Variants in KATNAL2 observed in about 807,000 individuals in gnomAD.
KATNAL2 encodes katanin catalytic subunit A1 like 2, also known as katanin p60 ATPase-containing subunit A-like 2.
KATNAL2 carries 52 observed loss-of-function variants against 76.3 expected under a neutral mutation model. The ratio of observed to expected loss-of-function variants is 0.68; its 90% confidence interval spans 0.55 to 0.86. The LOEUF is 0.86. KATNAL2 is among the 40% of genes least tolerant of loss of function. The pLI, the probability that KATNAL2 is intolerant of heterozygous loss-of-function variation, is 0.00. For synonymous variants in KATNAL2, 243 were observed against 244.2 expected, an observed-to-expected ratio of 1.00 and a Z score of 0.05; for missense variants, 660 against 668.9, an observed-to-expected ratio of 0.99 and a Z score of 0.15.
intron 1 of KATNAL2, among the ~76,000 whole-genome samples, chr18:46,939,555 A>C (rs954540719): frequency 6.6e-6 from 1 of 152,126 alleles, no homozygotes; most frequent in African/African-American, 2.4e-5. Context: ...TTTGGGGTGC[A>C]TGTCAACTTT....
intron 3 of KATNAL2, among the ~76,000 whole-genome samples, chr18:46,960,772 T>A (rs1420492274): frequency 2.0e-5 from 3 of 152,156 alleles, no homozygotes; most frequent in Non-Finnish European, 4.4e-5. Context: ...ACTTTAGATA[T>A]CCCTTACCTA....
chr18:47,092,297 G>A (rs1286722129), intron 15 of KATNAL2, among the ~76,000 whole-genome samples: 1 of 152,138 alleles, frequency 6.6e-6, no homozygotes, highest in Non-Finnish European at 1.5e-5. Context: ...TCAGGAGTTT[G>A]AGACCAGCCT....
At chr18:47,044,206 A>T (rs983504945) in intron 3 of KATNAL2, among the ~76,000 whole-genome samples, 41 of 152,250 alleles carry the variant, frequency 2.7e-4, no homozygotes, top group Admixed American at 2.5e-3. Flanking sequence ...CTGATGAGAA[A>T]AAAAAAGCAA....
At chr18:47,083,376 C>A (rs561864376) in intron 15 of KATNAL2, among the ~76,000 whole-genome samples, 3 of 152,256 alleles carry the variant, frequency 2.0e-5, no homozygotes, top group African/African-American at 7.2e-5. Context: ...ATCTAAAGAC[C>A]CAGTCTTAAA....
Position 47,034,673 on chromosome 18 carries a change from T to C in KATNAL2, c.52-11784T>C, listed in dbSNP as rs578040595. The C allele has an allele frequency of 6.8e-5, 109 of 1,613,490 alleles. No homozygotes were observed. Among genetic ancestry groups the C allele is most frequent in the East Asian group, 2.2e-4 (10 of 44,852 alleles). Reference sequence around the variant, plus strand: ...AGAGGCCCGCCCTGAGCCGCGTGAGTGTGGCCTCTTCCGGGTTGCTTCCCG... The same window carrying C: ...AGAGGCCCGCCCTGAGCCGCGTGAGCGTGGCCTCTTCCGGGTTGCTTCCCG... On this transcript the variant is annotated intron_variant, in intron 3 of 17. Transcript: ENST00000683218.
chr18:47,034,748 T>A, intron 3 of KATNAL2: 1 of 1,612,674 alleles, frequency 6.2e-7, no homozygotes, highest in East Asian at 2.2e-5. Flanking sequence ...GCTGTGCGCG[T>A]TGGAGAGGCC....
chr18:47,031,607 A>T (rs922271781), intron 3 of KATNAL2, among the ~76,000 whole-genome samples: 2 of 152,150 alleles, frequency 1.3e-5, no homozygotes, highest in Non-Finnish European at 2.9e-5. Flanking sequence ...TCTCCAGGAG[A>T]ATCGTAGTGT....
intron 1 of KATNAL2, among the ~76,000 whole-genome samples, chr18:46,927,505 T>G (rs530811262): frequency 0.076 from 11,588 of 152,064 alleles, 474 homozygotes; most frequent in African/African-American, 0.098. Context: ...TTTCTCTCTG[T>G]CTGCCCTTAA....
chr18:46,920,005 C>T, intron 1 of KATNAL2: 1 of 1,220,642 alleles, frequency 8.2e-7, no homozygotes, highest in Non-Finnish European at 1.1e-6. Context: ...TAAAGAGGAC[C>T]AACATAAACA....
chr18:47,032,839 G>A (rs2060539016), intron 3 of KATNAL2: 4 of 1,392,024 alleles, frequency 2.9e-6, no homozygotes, highest in South Asian at 2.8e-5. Flanking sequence ...GGGTGTGGGA[G>A]GCAAAATCAC....
In KATNAL2 at chr18:47,059,598, C is replaced by T; in HGVS notation, c.493C>T (p.Leu165=). ...TCGCCTGGAAAGTGCCAACTTCGGC[C>T]TACATATATCAAGAATCCGTAAAGA... ...NTRLESANFG[L]HISRIRKDSG... is the part of the protein sequence containing the mutation. Residue 165 remains leucine (L), a synonymous_variant, in exon 8 of 18, where the codon CTA becomes TTA. Coordinates refer to ENST00000683218, the MANE Select transcript of KATNAL2 (RefSeq NM_001387690.1). 1 of 1,613,780 alleles carries T rather than the reference C, an allele frequency of 6.2e-7. No homozygotes were observed.
At position 46,946,344 on chromosome 18, in the gene KATNAL2, C is replaced by G. The variant is rs1216594538; in HGVS notation, c.-222C>G. 2 of 1,030,456 alleles carry G rather than the reference C, an allele frequency of 1.9e-6. No individual in the cohort carries two copies. Among genetic ancestry groups the G allele is most frequent in the South Asian group, 3.5e-5 (1 of 28,302 alleles). 63.8% of individuals were successfully genotyped at this position (1,030,456 alleles called of 1,614,324 possible). A position where few individuals can be genotyped will look rare whatever the true frequency, so the allele number is the denominator to read the frequency against. On this transcript the variant is annotated 5_prime_UTR_variant, in exon 2 of 18. Coordinates refer to ENST00000683218, the MANE Select transcript of KATNAL2 (RefSeq NM_001387690.1). ...TGCACAGTTTGCATCCCAGAAGGCT[C>G]TTGACAACCAAAGTGTCCACAGCAG...
At chr18:47,033,414 C>A in intron 3 of KATNAL2, 1 of 1,613,492 alleles carries the variant, frequency 6.2e-7, no homozygotes, top group Non-Finnish European at 8.5e-7. Context: ...CTCTCAGCCG[C>A]TGCTCTGGGG....
chr18:46,941,772 A>G (rs1457647319), intron 1 of KATNAL2, among the ~76,000 whole-genome samples: 1 of 152,192 alleles, frequency 6.6e-6, no homozygotes, highest in Non-Finnish European at 1.5e-5. Flanking sequence ...TTGTTTTCCA[A>G]CTGTTACACA....
chr18:47,073,352 T>C (rs2147223125), intron 13 of KATNAL2, among the ~76,000 whole-genome samples: 1 of 152,362 alleles, frequency 6.6e-6, no homozygotes. Context: ...TGCATTTTTA[T>C]TTTGGATATT....
intron 8 of KATNAL2, among the ~76,000 whole-genome samples, chr18:47,060,821 ATGGGAATCAACACCTCCCT>A (rs2061609119): frequency 6.6e-6 from 1 of 152,212 alleles, no homozygotes; most frequent in African/African-American, 2.4e-5. Flanking sequence ...AGATGATGCC[ATGGGAATCAACACCTCCCT>A]TGGAAAAATG....
rs757608035 is a variant in KATNAL2, at chr18:47,099,263, T to A, written c.1232T>A (p.Leu411Ter). 6.2e-7 allele frequency: 1 copy of A among 1,613,718 alleles called. No individual in the cohort carries two copies. The highest frequency in any genetic ancestry group is 2.2e-5 in the East Asian group (1 of 44,878). The change falls in exon 16 of 18, where the codon TTA becomes TAA. Residue 411 changes from leucine to a stop codon, truncating the protein, a stop_gained. Transcript: ENST00000683218. LOFTEE classifies it high-confidence loss of function. The stretch of plus-strand genomic sequence containing the variant: ...TTCAGGGAGCTGGACTGTGCCATGT[T>A]ACGCCGCCTGGAGAAGAGGATTCTG... ...NLPWELDCAM[L>*]RRLEKRILVD...
intron 3 of KATNAL2, among the ~76,000 whole-genome samples, chr18:47,037,366 A>G (rs1251058748): frequency 6.6e-6 from 1 of 152,210 alleles, no homozygotes; most frequent in Admixed American, 6.5e-5. Flanking sequence ...GAAAACAAAA[A>G]CAGCCAGATT....
intron 13 of KATNAL2, among the ~76,000 whole-genome samples, chr18:47,071,085 G>A (rs1251490033): frequency 6.6e-6 from 1 of 152,120 alleles, no homozygotes; most frequent in Non-Finnish European, 1.5e-5. Context: ...TGCAAAACCC[G>A]AGTATATGTG....
Sources: gnomAD v4.1 joint callset for allele counts (sites outside exome capture counted in the v4.1 genomes callset) on GRCh38, gnomAD v4.1.1 for gene constraint, MANE v1.5 for transcripts, NCBI Gene and HGNC (gene_info 2026-07-23, HGNC 2026-07-21) for gene names.